The following ATRIP variants were observed in gnomAD, a reference collection of about 807,000 sequenced individuals.
ATRIP encodes ATR-interacting protein.
ATRIP carries 44 observed loss-of-function variants against 78.1 expected under a neutral mutation model. The ratio of observed to expected loss-of-function variants is 0.56; its 90% CI spans 0.44 to 0.72. The LOEUF (loss-of-function observed/expected upper bound fraction) is 0.72, where lower values mean the gene tolerates loss of function less well. Among genes scored for constraint, ATRIP ranks in the 30% least tolerant of loss-of-function variants. The pLI is 0.00. For synonymous variants in ATRIP, 388 were observed against 408.9 expected (o/e 0.95, Z 0.62); for missense variants, 927 against 980.2 (o/e 0.95, Z 0.72).
In ATRIP at chr3:48,451,677, C is replaced by G; in HGVS notation, c.382-52C>G. 5 of 1,482,098 alleles carry G rather than the reference C, an allele frequency of 3.4e-6. No homozygotes were observed. The East Asian group carries it at 1.1e-4, about 34-fold the overall frequency. 91.8% of individuals were successfully genotyped at this position (1,482,098 alleles called of 1,614,324 possible). ...CCAACTACATGTTAAAACAAAGTAC[C>G]TAAGTAGTTTTCTCTTACAAAGTTT... On this transcript the variant is annotated intron_variant, in intron 2 of 12. Transcript: ENST00000320211.
At chr3:48,454,677 GA>G (rs1366811924) in intron 4 of ATRIP, among the ~76,000 whole-genome samples, 2 of 152,038 alleles carry the variant, frequency 1.3e-5, no homozygotes, top group Non-Finnish European at 2.9e-5. Context: ...GAAAGACCTG[GA>G]AAAATGATCT....
rs2040332362 is a variant in ATRIP, at chr3:48,466,842, G to A, written c.*1288G>A. On this transcript the variant is annotated 3_prime_UTR_variant, in exon 13 of 13. Coordinates refer to ENST00000320211, the MANE Select transcript of ATRIP (RefSeq NM_130384.3). ...TCCCACAGTTCCTCCACCACCGCGT[G>A]TGGTAGACAAGCTCTCCCTGTGTGT... is the stretch of plus-strand genomic sequence containing the variant. The A allele has an allele frequency of 1.2e-6, 2 of 1,614,010 alleles. No homozygotes were observed. Among genetic ancestry groups the A allele is most frequent in the Admixed American group, 1.7e-5 (1 of 60,032 alleles).
At chr3:48,452,956 C>T (rs1489198492) in intron 3 of ATRIP, among the ~76,000 whole-genome samples, 1 of 148,140 alleles carries the variant, frequency 6.8e-6, no homozygotes, top group East Asian at 2.0e-4. Context: ...GCAATCACAG[C>T]TCACTGCAGC....
rs781060789 is a variant in ATRIP, at chr3:48,466,799, C to A, written c.*1245C>A. ...ACAGATGTGCCCTGGAGAGCCCCCC[C>A]ACCTCTCAGGGGCCACCTCCCACAG... On this transcript the variant is annotated 3_prime_UTR_variant, in exon 13 of 13. Coordinates refer to ENST00000320211, the MANE Select transcript of ATRIP (RefSeq NM_130384.3). 2.4e-5 allele frequency: 38 copies of A among 1,613,962 alleles called. No homozygotes were observed. Among genetic ancestry groups the A allele is most frequent in the African/African-American group, 1.2e-4 (9 of 75,042 alleles).
At chr3:48,459,982 C>T in intron 7 of ATRIP, 66 bp downstream of exon 7, 3 of 1,567,308 alleles carry the variant, frequency 1.9e-6, no homozygotes, top group South Asian at 1.2e-5. Flanking sequence ...TCCTTTCTGG[C>T]CCTGGCCAGC....
Position 48,464,660 on chromosome 3 carries a change from G to A in ATRIP, c.2053G>A (p.Glu685Lys), listed in dbSNP as rs757659720. The A allele has an allele frequency of 1.9e-6, 3 of 1,614,182 alleles. No individual in the cohort carries two copies. Among genetic ancestry groups the A allele is most frequent in the Non-Finnish European group, 2.5e-6 (3 of 1,180,022 alleles). ...VTGSNCQCNV[E>K]VVRALTVMLH... is the part of the protein sequence containing the mutation. ...TGGCTCCAACTGCCAGTGTAATGTGGAGGTGAGTGGGTAGGGGCCAACAGC... is the reference window on the plus strand; with the variant it reads ...TGGCTCCAACTGCCAGTGTAATGTGAAGGTGAGTGGGTAGGGGCCAACAGC... The change falls in exon 11 of 13, where the codon GAG (glutamate) becomes AAG (lysine). Residue 685 changes from glutamate (E) to lysine (K), a missense_variant and splice_region_variant. By Grantham distance (56) the Glu-to-Lys change is moderately conservative. Coordinates refer to ENST00000320211, the MANE Select transcript of ATRIP (RefSeq NM_130384.3).
At position 48,446,768 on chromosome 3, in the gene ATRIP, A is replaced by G. The variant is rs1259815325; in HGVS notation, c.-78A>G. The G allele has an allele frequency of 7.6e-7, 1 of 1,324,396 alleles. No homozygotes were observed. Among genetic ancestry groups the G allele is most frequent in the South Asian group, 2.7e-5 (1 of 37,550 alleles). The allele number at this position is 1,324,396 out of a possible 1,614,324, so 82.0% of individuals were successfully genotyped here. A position where few individuals can be genotyped will look rare whatever the true frequency, so the allele number is the denominator to read the frequency against. On this transcript the variant is annotated 5_prime_UTR_variant, in exon 1 of 13. Transcript: ENST00000320211. Reference sequence around the variant, plus strand: ...GGCGGAGGCAAGCGGCGGCGCGCGGACGGTTGGTCCAGTTCTCCGGCCTGG... The same window carrying G: ...GGCGGAGGCAAGCGGCGGCGCGCGGGCGGTTGGTCCAGTTCTCCGGCCTGG...
chr3:48,464,986 CATG>C lies in ATRIP; in HGVS notation c.2215_2217del (p.Met739del). 6.2e-7 allele frequency: 1 copy of C among 1,614,134 alleles called. No individual in the cohort carries two copies. The highest frequency in any genetic ancestry group is 2.2e-5 in the East Asian group (1 of 44,886). ...GCCTATCGCAGAAGGACAAGCTCTT[CATG>C]ATGCACTGCGTGGAGGTCCTGCATC... is the stretch of plus-strand genomic sequence containing the variant. On this transcript the variant is annotated inframe_deletion, in exon 12 of 13. Transcript: ENST00000320211.
Position 48,467,603 on chromosome 3 carries a change from C to CAAGA in ATRIP, c.*2051_*2054dup. ...CCCTGGCCACACCTGGGGAGTAGGC[C>CAAGA]AAGAAGGAAAATCTGACGAATAAAG... On this transcript the variant is annotated 3_prime_UTR_variant, in exon 13 of 13. Coordinates refer to ENST00000320211, the MANE Select transcript of ATRIP (RefSeq NM_130384.3). 6.2e-7 allele frequency: 1 copy of CAAGA among 1,609,272 alleles called. No individual in the cohort carries two copies. The highest frequency in any genetic ancestry group is 1.1e-5 in the South Asian group (1 of 90,908).
In ATRIP at chr3:48,446,997, C is replaced by T; in HGVS notation, c.152C>T (p.Ala51Val). ...CCGGACCCTGACGACCCGTTCGGCGCGCATGGGGACTTCACTGCCGACGAC... is the reference window on the plus strand; with the variant it reads ...CCGGACCCTGACGACCCGTTCGGCGTGCATGGGGACTTCACTGCCGACGAC... ...AAPDPDDPFG[A>V]HGDFTADDLE... The change falls in exon 1 of 13, where the codon GCG becomes GTG. Residue 51 changes from alanine (A) to valine (V), a missense_variant. Physicochemically the swap from Ala to Val is moderately conservative, Grantham distance 64. Transcript: ENST00000320211. 2 of 1,578,830 alleles carry T rather than the reference C, an allele frequency of 1.3e-6. No individual in the cohort carries two copies. Among genetic ancestry groups the T allele is most frequent in the South Asian group, 1.1e-5 (1 of 87,336 alleles).
intron 4 of ATRIP, among the ~76,000 whole-genome samples, chr3:48,456,538 C>T (rs2039959219): frequency 6.7e-6 from 1 of 149,258 alleles, no homozygotes; most frequent in Non-Finnish European, 1.5e-5. Context: ...GTGGAGGCTG[C>T]AGTGAGCCGT....
In ATRIP at chr3:48,467,141, G is replaced by A. The variant is rs55786737; in HGVS notation, c.*1587G>A. The A allele has an allele frequency of 1.3e-4, 215 of 1,613,932 alleles. No homozygotes were observed. The highest frequency in any genetic ancestry group is 1.8e-4 in the Non-Finnish European group (208 of 1,180,038). ...ATAGCATCACTGCGCTGAAGGCCCT[G>A]GAGCGAGCAAGCAGCCCCTCAGAAC... On this transcript the variant is annotated 3_prime_UTR_variant, in exon 13 of 13. Transcript: ENST00000320211.
intron 1 of ATRIP, 184 bp downstream of exon 1, chr3:48,447,276 T>G: frequency 1.6e-6 from 2 of 1,255,738 alleles, no homozygotes; most frequent in Non-Finnish European, 2.0e-6. Context: ...GGAAATGCAT[T>G]AGCCAGGTCA....
In ATRIP at chr3:48,447,064, A is replaced by G. The variant is rs144998094; in HGVS notation, c.219A>G (p.Gln73=). The change falls in exon 1 of 13, where the codon CAA becomes CAG. Residue 73 remains glutamine (Q), a synonymous_variant. Transcript: ENST00000320211. ...CCCTCGCGTCACAGGCCCTGAGCCAATGTCCGGCCGCGGCTCGGGACGTGT... is the reference window on the plus strand; with the variant it reads ...CCCTCGCGTCACAGGCCCTGAGCCAGTGTCCGGCCGCGGCTCGGGACGTGT... ...LDTLASQALS[Q]CPAAARDVSS... The G allele has an allele frequency of 3.7e-5, 58 of 1,566,300 alleles. No homozygotes were observed. The Admixed American group carries it at 4.2e-4, about 11-fold the overall frequency.
rs1381818413 is a variant in ATRIP at position 48,465,354 on chromosome 3, T to C, written c.2309-133T>C. 5.9e-5 allele frequency: 56 copies of C among 950,850 alleles called. 1 individual carries two copies. The East Asian group carries it at 1.4e-3, about 24-fold the overall frequency. 58.9% of individuals were successfully genotyped at this position (950,850 alleles called of 1,614,324 possible). A position where few individuals can be genotyped will look rare whatever the true frequency, so the allele number is the denominator to read the frequency against. On this transcript the variant is annotated intron_variant, in intron 12 of 12. Coordinates refer to ENST00000320211, the MANE Select transcript of ATRIP (RefSeq NM_130384.3). The stretch of plus-strand genomic sequence containing the variant: ...TGCCTTTGTATCACTTTGTTTGCAG[T>C]AGCTGAGGGAGCAGGGCCTGGGTGT...
At chr3:48,457,631 T>C (rs2039987519) in intron 5 of ATRIP, among the ~76,000 whole-genome samples, 1 of 152,246 alleles carries the variant, frequency 6.6e-6, no homozygotes, top group Admixed American at 6.5e-5. Flanking sequence ...GTGTAATTTC[T>C]TGCCACATGG....
At chr3:48,449,648 C>A (rs1484394108) in intron 1 of ATRIP, among the ~76,000 whole-genome samples, 1 of 151,562 alleles carries the variant, frequency 6.6e-6, no homozygotes, top group East Asian at 1.9e-4. Context: ...AGCCAGGCAT[C>A]CAGGCACAGT....
At position 48,466,452 on chromosome 3, in the gene ATRIP, A is replaced by G. The variant is rs747505645; in HGVS notation, c.*898A>G. The G allele has an allele frequency of 6.2e-7, 1 of 1,613,430 alleles. No individual in the cohort carries two copies. Among genetic ancestry groups the G allele is most frequent in the African/African-American group, 1.3e-5 (1 of 75,016 alleles). Reference sequence around the variant, plus strand: ...GACAGTCGAATGTGCTGGTCCCACTAAGGAAACCACCTCACCCTCTCCAAC... The same window carrying G: ...GACAGTCGAATGTGCTGGTCCCACTGAGGAAACCACCTCACCCTCTCCAAC... On this transcript the variant is annotated 3_prime_UTR_variant, in exon 13 of 13. Coordinates refer to ENST00000320211, the MANE Select transcript of ATRIP (RefSeq NM_130384.3).
At chr3:48,447,166 C>G in intron 1 of ATRIP, 74 bp downstream of exon 1, 1 of 1,362,400 alleles carries the variant, frequency 7.3e-7, no homozygotes, top group East Asian at 2.8e-5. Flanking sequence ...GCTGTGGCTT[C>G]GGAACCTCGC....
Sources: allele counts gnomAD v4.1 joint callset (sites outside exome capture counted in the v4.1 genomes callset), GRCh38; gene constraint gnomAD v4.1.1; transcripts MANE v1.5; gene names NCBI Gene and HGNC (gene_info 2026-07-23, HGNC 2026-07-21).